KDR: variants seen among roughly 807,000 people sequenced by gnomAD.
KDR encodes the protein kinase insert domain receptor, also known as vascular endothelial growth factor receptor 2.
KDR carries 43 observed loss-of-function variants against 160.9 expected under a neutral mutation model. That is an observed-to-expected ratio of 0.27 (90% CI 0.21 to 0.34). KDR has a LOEUF of 0.34. Ranked by LOEUF, KDR falls within the 10% of genes least tolerant of loss-of-function variation. KDR has a pLI of 1.00. For missense variants in KDR, 1,469 were observed against 1,666.4 expected, an observed-to-expected ratio of 0.88 and a Z score of 2.06; for synonymous variants, 617 against 600.1, an observed-to-expected ratio of 1.03 and a Z score of -0.41.
intron 14 of KDR, 58 bp from the exon 15 acceptor site, chr4:55,102,086 T>A: frequency 6.2e-7 from 1 of 1,610,462 alleles, no homozygotes; most frequent in Non-Finnish European, 8.5e-7. Context: ...GTGAAGTTTT[T>A]CAGGGAAATT....
At chr4:55,120,779 G>A (rs1409768937) in intron 2 of KDR, among the ~76,000 whole-genome samples, 2 of 151,792 alleles carry the variant, frequency 1.3e-5, no homozygotes, top group African/African-American at 2.4e-5. Context: ...CATATTTATT[G>A]AGCGTATGTC....
At position 55,098,689 on chromosome 4, in the gene KDR, T is replaced by A; in HGVS notation, c.2373+8A>T. On this transcript the variant is annotated splice_region_variant and intron_variant, in intron 16 of 29. Transcript: ENST00000263923. ...TGTGCATGGGCAGAAGGGAAATTAT[T>A]TTTTTACCCGCTTAACGGTCCGTAG... 6.2e-7 allele frequency: 1 copy of A among 1,604,466 alleles called. No homozygotes were observed. Among genetic ancestry groups the A allele is most frequent in the East Asian group, 2.2e-5 (1 of 44,792 alleles).
chr4:55,121,004 T>C, intron 2 of KDR, 93 bp downstream of exon 2: 1 of 828,150 alleles, frequency 1.2e-6, no homozygotes. Flanking sequence ...TACTACAAGC[T>C]CTATTATAAT....
At chr4:55,086,480 C>T (rs1719866426) in intron 27 of KDR, among the ~76,000 whole-genome samples, 1 of 151,952 alleles carries the variant, frequency 6.6e-6, no homozygotes, top group South Asian at 2.1e-4. Context: ...TTGTACTGCC[C>T]TCAGGTAATA....
At position 55,114,141 on chromosome 4, in the gene KDR, T is replaced by G; in HGVS notation, c.783A>C (p.Glu261Asp). The G allele has an allele frequency of 6.2e-7, 1 of 1,614,084 alleles. No individual in the cohort carries two copies. Among genetic ancestry groups the G allele is most frequent in the Non-Finnish European group, 8.5e-7 (1 of 1,179,946 alleles). Residue 261 changes from glutamate to aspartate, a missense_variant, in exon 6 of 30, where the codon GAA becomes GAC. This residue lies in a region of KDR where 792 missense variants were observed against 840.9 expected (regional missense o/e 0.94). Coordinates refer to ENST00000263923, the MANE Select transcript of KDR (RefSeq NM_002253.4). ...ELNVGIDFNW[E>D]YPSSKHQHKK... ...TTAGCGTTACCTTCGAAGAAGGGTA[T>G]TCCCAGTTGAAGTCAATCCCCACAT...
In KDR at chr4:55,113,449, T is replaced by C. The variant is rs1720648418; in HGVS notation, c.831A>G (p.Leu277=). The stretch of plus-strand genomic sequence containing the variant: ...TCATCTCACTCCCAGACTGGGTTTT[T>C]AGGTCTCGGTTTACAAGTTTCTTAT... ...HQHKKLVNRD[L]KTQSGSEMKK... The change falls in exon 7 of 30, where the codon CTA becomes CTG. Residue 277 remains leucine (L), a synonymous_variant. Coordinates refer to ENST00000263923, the MANE Select transcript of KDR (RefSeq NM_002253.4). 1 of 1,614,058 alleles carries C rather than the reference T, an allele frequency of 6.2e-7. No individual in the cohort carries two copies. The highest frequency in any genetic ancestry group is 8.5e-7 in the Non-Finnish European group (1 of 1,179,944).
chr4:55,081,913 A>T (rs1296224183), intron 29 of KDR, 43 bp downstream of exon 29: 1 of 1,406,068 alleles, frequency 7.1e-7, no homozygotes, highest in Non-Finnish European at 1.0e-6. Flanking sequence ...TCCTTCCAAA[A>T]ATTCCTATTG....
intron 21 of KDR, 94 bp downstream of exon 21, chr4:55,094,708 G>A (rs1720104580): frequency 8.6e-7 from 1 of 1,168,766 alleles, no homozygotes; most frequent in South Asian, 1.2e-5. Flanking sequence ...GGTAGTATTG[G>A]ACTTTTCCCA....
At chr4:55,122,701 T>G (rs894345919) in intron 1 of KDR, 13 of 152,212 alleles carry the variant, frequency 8.5e-5, no homozygotes, top group African/African-American at 2.9e-4. Flanking sequence ...GAAACTAAGT[T>G]ATATCAATAT....
intron 16 of KDR, 78 bp downstream of exon 16, chr4:55,098,619 C>T (rs893262938): frequency 9.2e-7 from 1 of 1,090,444 alleles, no homozygotes; most frequent in African/African-American, 1.5e-5. Flanking sequence ...TGGGAAGAAA[C>T]AACTCAAAGA....
At chr4:55,099,004 T>TTTAA (rs1720240338) in intron 15 of KDR, among the ~76,000 whole-genome samples, 1 of 150,032 alleles carries the variant, frequency 6.7e-6, no homozygotes, top group Non-Finnish European at 1.5e-5. Context: ...TATTTATTTA[T>TTTAA]TTATTTATTT....
intron 5 of KDR, 94 bp downstream of exon 5, chr4:55,114,780 C>G (rs2110031296): frequency 8.6e-7 from 1 of 1,167,836 alleles, no homozygotes; most frequent in East Asian, 2.4e-5. Context: ...AGTTCCTATA[C>G]TTTTCAATAT....
chr4:55,096,079 TA>T (rs1298973851), intron 19 of KDR, 149 bp downstream of exon 19: 7 of 632,772 alleles, frequency 1.1e-5, no homozygotes, highest in African/African-American at 1.8e-5. Context: ...TAGTGCCAAT[TA>T]AACCTCCATG....
intron 27 of KDR, among the ~76,000 whole-genome samples, chr4:55,084,436 C>G (rs1307438770): frequency 6.6e-6 from 1 of 152,164 alleles, no homozygotes; most frequent in Non-Finnish European, 1.5e-5. Flanking sequence ...CGAGTTTGGA[C>G]AATAATTCAG....
chr4:55,088,958 C>A lies in KDR; in HGVS notation c.3420G>T (p.Leu1140=), dbSNP rs747705328. ...GACTGGGCTCCCCGTGCCAGCAGTC[C>A]AGCATGGTCTGGTACCTAGAGAAGC... is the stretch of plus-strand genomic sequence containing the variant. ...YTTPEMYQTM[L]DCWHGEPSQR... is the part of the protein sequence containing the mutation. Residue 1140 remains leucine, a synonymous_variant, in exon 26 of 30, where the codon CTG becomes CTT. Coordinates refer to ENST00000263923, the MANE Select transcript of KDR (RefSeq NM_002253.4). 3 of 1,613,420 alleles carry A rather than the reference C, an allele frequency of 1.9e-6. No individual in the cohort carries two copies. Among genetic ancestry groups the A allele is most frequent in the Non-Finnish European group, 2.5e-6 (3 of 1,179,364 alleles).
At chr4:55,092,551 A>C (rs1720044967) in intron 22 of KDR, 66 bp downstream of exon 22, 1 of 1,127,630 alleles carries the variant, frequency 8.9e-7, no homozygotes, top group Non-Finnish European at 1.4e-6. Flanking sequence ...AATGGCTGAC[A>C]CTGGACATCT....
At chr4:55,088,219 G>A (rs1383928486) in intron 26 of KDR, among the ~76,000 whole-genome samples, 2 of 152,162 alleles carry the variant, frequency 1.3e-5, no homozygotes, top group African/African-American at 2.4e-5. Flanking sequence ...GGTCTTTTGA[G>A]AAAAGGTTGC....
chr4:55,096,194 A>C (rs1720148651), intron 19 of KDR, 35 bp downstream of exon 19: 1 of 1,214,760 alleles, frequency 8.2e-7, no homozygotes, highest in South Asian at 1.2e-5. Flanking sequence ...AGGCATGTTA[A>C]AATTGGGTGA....
At position 55,082,577 on chromosome 4, in the gene KDR, C is replaced by A. The variant is rs568921825; in HGVS notation, c.3721G>T (p.Asp1241Tyr). ...ACTTCTGGTTCTTCTAACGGGATAT[C>A]TTCAAATGTTTTTACACTCACAGGC... is the stretch of plus-strand genomic sequence containing the variant. ...SRPVSVKTFE[D>Y]IPLEEPEVKV... Residue 1241 changes from aspartate to tyrosine, a missense_variant, in exon 28 of 30, where the codon GAT becomes TAT. Physicochemically the swap from Asp to Tyr is radical, Grantham distance 160. Around this residue, in one of 7 missense-constraint regions of KDR, gnomAD observed 229 missense variants for 197.8 expected, o/e 1.16. Transcript: ENST00000263923. 1 of 1,613,884 alleles carries A rather than the reference C, an allele frequency of 6.2e-7. No homozygotes were observed. Among genetic ancestry groups the A allele is most frequent in the Non-Finnish European group, 8.5e-7 (1 of 1,179,852 alleles).
Sources: gnomAD v4.1 joint callset for allele counts (sites outside exome capture counted in the v4.1 genomes callset) on GRCh38, gnomAD v4.1.1 for gene constraint, gnomAD v4.1.1 regional missense constraint, MANE v1.5 for transcripts, NCBI Gene and HGNC (gene_info 2026-07-23, HGNC 2026-07-21) for gene names.